Variants in SETD3 observed in about 807,000 individuals in gnomAD.
The protein encoded by SETD3 is actin-histidine N-methyltransferase.
A neutral mutation model predicts 63.0 loss-of-function variants in SETD3; 19 were observed. The observed-to-expected ratio is 0.30, with a 90% confidence interval of 0.21 to 0.44. The LOEUF is 0.44. SETD3 is among the 20% of genes least tolerant of loss of function. The probability of loss-of-function intolerance (pLI) is 1.00; values close to 1 mark genes in which losing one functional copy is unlikely to be tolerated. For missense variants in SETD3, 587 were observed against 728.5 expected, an observed-to-expected ratio of 0.81 and a Z score of 2.24; for synonymous variants, 286 against 264.1, an observed-to-expected ratio of 1.08 and a Z score of -0.80.
In SETD3 at chr14:99,398,925, G is replaced by C. The variant is rs886756575; in HGVS notation, c.1539C>G (p.Ser513Arg). Residue 513 changes from serine (S) to arginine (R), a missense_variant, in exon 13 of 13, where the codon AGC (serine) becomes AGG (arginine). By Grantham distance (110) the Ser-to-Arg change is moderately radical. Transcript: ENST00000331768. ...EESNLGLLES[S>R]VGDSRLPLVL... Reference sequence around the variant, plus strand: ...CCAGGGGGAGCCTCGAGTCCCCCACGCTGCTCTCCAACAGCCCAAGGTTAC... The same window carrying C: ...CCAGGGGGAGCCTCGAGTCCCCCACCCTGCTCTCCAACAGCCCAAGGTTAC... The C allele has an allele frequency of 6.2e-7, 1 of 1,614,002 alleles. No homozygotes were observed. Among genetic ancestry groups the C allele is most frequent in the Admixed American group, 1.7e-5 (1 of 60,020 alleles).
chr14:99,410,148 CG>C, intron 8 of SETD3: 1 of 1,580,696 alleles, frequency 6.3e-7, no homozygotes, highest in South Asian at 1.1e-5. Context: ...GAGTGAGTCC[CG>C]TAAGTGCCTA....
At chr14:99,443,359 C>T (rs1595215737) in intron 6 of SETD3, among the ~76,000 whole-genome samples, 1 of 145,844 alleles carries the variant, frequency 6.9e-6, no homozygotes, top group East Asian at 2.0e-4. Flanking sequence ...TCAAGCGATT[C>T]TCCTGCCTCA....
At chr14:99,438,883 C>A (rs1490329486) in intron 6 of SETD3, among the ~76,000 whole-genome samples, 1 of 152,226 alleles carries the variant, frequency 6.6e-6, no homozygotes, top group Admixed American at 6.5e-5. Flanking sequence ...AGGGACTTTG[C>A]TTTCCAACAT....
intron 6 of SETD3, among the ~76,000 whole-genome samples, chr14:99,436,439 C>G (rs1485286313): frequency 6.6e-6 from 1 of 152,172 alleles, no homozygotes; most frequent in Non-Finnish European, 1.5e-5. Flanking sequence ...AGGCACAGAG[C>G]CTGGACATGG....
intron 6 of SETD3, among the ~76,000 whole-genome samples, chr14:99,456,964 A>T (rs1894796007): frequency 1.3e-5 from 2 of 152,266 alleles, no homozygotes; most frequent in Non-Finnish European, 2.9e-5. Context: ...GCACATTAGT[A>T]AAAAGGGCCA....
At chr14:99,473,848 T>C (rs1277549173) in intron 1 of SETD3, among the ~76,000 whole-genome samples, 2 of 152,208 alleles carry the variant, frequency 1.3e-5, no homozygotes, top group Non-Finnish European at 2.9e-5. Flanking sequence ...AATTGTACAA[T>C]GTTTCCTTTC....
intron 4 of SETD3, 27 bp downstream of exon 4, chr14:99,461,165 C>G (rs776822741): frequency 1.2e-6 from 2 of 1,613,058 alleles, no homozygotes; most frequent in South Asian, 2.2e-5. Context: ...ACATAGACCC[C>G]TTGAGACCAA....
chr14:99,465,684 A>G lies in SETD3; in HGVS notation c.103+19T>C. 6.3e-7 allele frequency: 1 copy of G among 1,592,564 alleles called. No individual in the cohort carries two copies. The highest frequency in any genetic ancestry group is 1.7e-5 in the Admixed American group (1 of 59,272). On this transcript the variant is annotated intron_variant, in intron 2 of 12. Transcript: ENST00000331768. The stretch of plus-strand genomic sequence containing the variant: ...ACAGCCACCACATCAAGGCAGGGAG[A>G]GCCCAGAGGAGGACTTACTCTGCAG...
chr14:99,435,858 G>A (rs745688133), intron 6 of SETD3, among the ~76,000 whole-genome samples: 47 of 151,734 alleles, frequency 3.1e-4, no homozygotes, highest in Non-Finnish European at 5.4e-4. Flanking sequence ...GGGCTCCAAT[G>A]TCTGGTCATC....
chr14:99,406,540 C>G lies in SETD3; in HGVS notation c.900G>C (p.Leu300=). Residue 300 remains leucine (L), a synonymous_variant, in exon 9 of 13, where the codon CTG becomes CTC. Coordinates refer to ENST00000331768, the MANE Select transcript of SETD3 (RefSeq NM_032233.3). ...LEDDRCECVA[L]QDFRAGEQIY... Reference sequence around the variant, plus strand: ...CCTGCTCTCCAGCCCGAAAATCCTGCAGAGCCACACACTCACAGCGGTCAT... The same window carrying G: ...CCTGCTCTCCAGCCCGAAAATCCTGGAGAGCCACACACTCACAGCGGTCAT... The G allele has an allele frequency of 6.2e-7, 1 of 1,614,212 alleles. No homozygotes were observed. Among genetic ancestry groups the G allele is most frequent in the East Asian group, 2.2e-5 (1 of 44,888 alleles).
intron 6 of SETD3, among the ~76,000 whole-genome samples, chr14:99,443,007 T>G (rs114692721): frequency 1.9e-3 from 285 of 152,296 alleles, no homozygotes; most frequent in African/African-American, 6.4e-3. Context: ...CCATTTGCCT[T>G]GGCCAAGCCA....
intron 6 of SETD3, among the ~76,000 whole-genome samples, chr14:99,447,863 C>T (rs1219873138): frequency 2.0e-5 from 3 of 152,116 alleles, no homozygotes; most frequent in South Asian, 2.1e-4. Context: ...CAGAGTAAAA[C>T]GAAGAGGTGG....
rs751548669 is a variant in SETD3 at position 99,458,561 on chromosome 14, G to C, written c.419-26C>G. The C allele has an allele frequency of 7.6e-6, 12 of 1,588,546 alleles. No individual in the cohort carries two copies. In the Admixed American group the frequency reaches 2.2e-4, roughly 30 times the overall value. On this transcript the variant is annotated intron_variant, in intron 5 of 12. Coordinates refer to ENST00000331768, the MANE Select transcript of SETD3 (RefSeq NM_032233.3). ...CTGAATTAACCCAGAAGTTAACAGCGTAAGTTCCACAAACTTCTTAAAAAC... is the reference window on the plus strand; with the variant it reads ...CTGAATTAACCCAGAAGTTAACAGCCTAAGTTCCACAAACTTCTTAAAAAC...
At chr14:99,465,658 C>T (rs1004185988) in intron 2 of SETD3, 45 bp downstream of exon 2, 3 of 1,484,278 alleles carry the variant, frequency 2.0e-6, no homozygotes, top group Non-Finnish European at 1.9e-6. Context: ...AAGAAAAAGG[C>T]ACAGCCACCA....
chr14:99,479,434 T>A (rs1482301052), intron 1 of SETD3, among the ~76,000 whole-genome samples: 3 of 152,224 alleles, frequency 2.0e-5, no homozygotes, highest in African/African-American at 7.2e-5. Flanking sequence ...ACAGCAAGGT[T>A]CAAGCAAGTC....
At position 99,449,672 on chromosome 14, in the gene SETD3, A is replaced by G. The variant is rs145529658; in HGVS notation, c.675+8607T>C. Reference sequence around the variant, plus strand: ...AATGCAATACGGGATTCTGGAAGGGAAAAAAGGGCATTAATGCCAGGACAA... The same window carrying G: ...AATGCAATACGGGATTCTGGAAGGGGAAAAAGGGCATTAATGCCAGGACAA... On this transcript the variant is annotated intron_variant, in intron 6 of 12. Coordinates refer to ENST00000331768, the MANE Select transcript of SETD3 (RefSeq NM_032233.3). 7.2e-3 allele frequency among the ~76,000 whole-genome samples: 1,089 copies of G among 152,304 alleles called. 8 individuals carry two copies. The highest frequency in any genetic ancestry group is 0.024 in the African/African-American group (1,001 of 41,564).
At chr14:99,413,853 A>G in intron 7 of SETD3, 23 bp downstream of exon 7, 1 of 1,613,058 alleles carries the variant, frequency 6.2e-7, no homozygotes, top group Non-Finnish European at 8.5e-7. Flanking sequence ...CAATACACAG[A>G]CACACTCACA....
In SETD3 at chr14:99,417,753, C is replaced by T. The variant is rs118151811; in HGVS notation, c.676-3819G>A. On this transcript the variant is annotated intron_variant, in intron 6 of 12. Coordinates refer to ENST00000331768, the MANE Select transcript of SETD3 (RefSeq NM_032233.3). ...TCTGCACAGGAACAAAATACATTTG[C>T]GTTAAGGTTTTTTTGTTTTTCATGT... is the stretch of plus-strand genomic sequence containing the variant. Among the ~76,000 whole-genome samples, 912 of 152,164 alleles carry T rather than the reference C, an allele frequency of 6.0e-3. 6 individuals carry two copies. Among genetic ancestry groups the T allele is most frequent in the Non-Finnish European group, 8.9e-3 (607 of 67,994 alleles).
chr14:99,458,000 G>C (rs1894856019), intron 6 of SETD3, among the ~76,000 whole-genome samples: 1 of 152,010 alleles, frequency 6.6e-6, no homozygotes, highest in Non-Finnish European at 1.5e-5. Flanking sequence ...ATTTCATTGT[G>C]ATCTTTTGTT....
Sources: allele counts gnomAD v4.1 joint callset (sites outside exome capture counted in the v4.1 genomes callset), GRCh38; gene constraint gnomAD v4.1.1; transcripts MANE v1.5; gene names NCBI Gene and HGNC (gene_info 2026-07-23, HGNC 2026-07-21).